The following ICAM5 variants were observed in gnomAD, a reference collection of about 807,000 sequenced individuals.
ICAM5 encodes ICAM-5.
A neutral mutation model predicts 78.8 loss-of-function variants in ICAM5; 38 were observed. The ratio of observed to expected loss-of-function variants is 0.48; its 90% CI spans 0.37 to 0.63. The LOEUF is 0.63. ICAM5 is among the 30% of genes least tolerant of loss of function. The pLI is 0.00. For synonymous variants in ICAM5, 544 were observed against 590.9 expected, an observed-to-expected ratio of 0.92 and a Z score of 1.15; for missense variants, 1,059 against 1,303.0, an observed-to-expected ratio of 0.81 and a Z score of 2.88.
intron 5 of ICAM5, 63 bp from the exon 6 acceptor site, chr19:10,292,935 G>A: frequency 1.2e-6 from 2 of 1,607,458 alleles, no homozygotes; most frequent in Non-Finnish European, 8.5e-7. Context: ...CTCCCTCACC[G>A]TGTCGTGGAG....
rs1295877613 is a variant in ICAM5 at position 10,294,188 on chromosome 19, G to A, written c.1860G>A (p.Leu620=). Reference sequence around the variant, plus strand: ...GGGGCGCCACTGAGGGGGTGCTGCTGCCGCTGGCACCCCCAGACCCTAGTC... The same window carrying A: ...GGGGCGCCACTGAGGGGGTGCTGCTACCGCTGGCACCCCCAGACCCTAGTC... The part of the protein sequence containing the change: ...GSGGATEGVL[L]PLAPPDPSPR... Residue 620 remains leucine (L), a synonymous_variant, in exon 8 of 11, where the codon CTG becomes CTA. Transcript: ENST00000221980. This position sits in a 1 kb window ranked among gnomAD's most constrained non-coding sequence, Gnocchi z 7.7. The A allele has an allele frequency of 1.2e-6, 2 of 1,613,840 alleles. No individual in the cohort carries two copies. Among genetic ancestry groups the A allele is most frequent in the African/African-American group, 1.3e-5 (1 of 74,910 alleles).
In ICAM5 at chr19:10,290,941, C is replaced by A; in HGVS notation, c.83-131C>A. On this transcript the variant is annotated intron_variant, in intron 1 of 10. Transcript: ENST00000221980. This position sits in a 1 kb window ranked among gnomAD's most constrained non-coding sequence, Gnocchi z 5.7. ...CCGGAGGCCTGGGCAGGACGCGGGA[C>A]GCCTGGGTTCTTTCCCTGGCTGCAG... is the stretch of plus-strand genomic sequence containing the variant. The A allele has an allele frequency of 8.2e-7, 1 of 1,220,996 alleles. No individual in the cohort carries two copies. Among genetic ancestry groups the A allele is most frequent in the South Asian group, 1.6e-5 (1 of 63,812 alleles). The allele number at this position is 1,220,996 out of a possible 1,614,324, so 75.6% of individuals were successfully genotyped here.
rs769104245 is a variant in ICAM5 at position 10,292,339 on chromosome 19, G to T, written c.961+17G>T. Reference sequence around the variant, plus strand: ...CCATCTACAGTAAGGAAGGAGGCGGGGTCTCCGCGGCTCCGAGGTGGGACC... The same window carrying T: ...CCATCTACAGTAAGGAAGGAGGCGGTGTCTCCGCGGCTCCGAGGTGGGACC... On this transcript the variant is annotated intron_variant, in intron 4 of 10. Transcript: ENST00000221980. The T allele has an allele frequency of 3.8e-6, 6 of 1,568,436 alleles. No individual in the cohort carries two copies. In the East Asian group the frequency reaches 1.2e-4, roughly 31 times the overall value.
At position 10,291,265 on chromosome 19, in the gene ICAM5, G is replaced by A. The variant is rs1384263996; in HGVS notation, c.276G>A (p.Glu92=). Residue 92 remains glutamate, a synonymous_variant, in exon 2 of 11, where the codon GAG becomes GAA. Coordinates refer to ENST00000221980, the MANE Select transcript of ICAM5 (RefSeq NM_003259.4). The part of the protein sequence containing the change: ...WLARQLVDIR[E]PETQPVCFFR... ...CGCGGCAGCTGGTGGACATTCGCGA[G>A]CCGGAGACTCAGCCCGTCTGCTTCT... 2 of 1,612,460 alleles carry A rather than the reference G, an allele frequency of 1.2e-6. No homozygotes were observed. Among genetic ancestry groups the A allele is most frequent in the African/African-American group, 2.7e-5 (2 of 74,954 alleles).
chr19:10,289,980 C>A lies in ICAM5; in HGVS notation c.-64C>A, dbSNP rs926013506. The stretch of plus-strand genomic sequence containing the variant: ...CCCCACCCGCCGCGCCGCGCGGAGC[C>A]GTCCTCTAGCCCAGCTCCTCGGCTC... On this transcript the variant is annotated 5_prime_UTR_variant, in exon 1 of 11. Transcript: ENST00000221980. 6.6e-6 allele frequency: 9 copies of A among 1,363,730 alleles called. No homozygotes were observed. Among genetic ancestry groups the A allele is most frequent in the South Asian group, 1.3e-5 (1 of 77,576 alleles). 84.5% of individuals were successfully genotyped at this position (1,363,730 alleles called of 1,614,324 possible).
At chr19:10,296,215 C>A (rs753982773) in intron 10 of ICAM5, 124 bp from the exon 11 acceptor site, 130 of 1,000,828 alleles carry the variant, frequency 1.3e-4, no homozygotes, top group Non-Finnish European at 1.6e-4. Context: ...TCTCCCTTCT[C>A]CCAAGGCCAG....
chr19:10,291,949 G>GAT, intron 3 of ICAM5, 86 bp from the exon 4 acceptor site: 17 of 1,506,182 alleles, frequency 1.1e-5, no homozygotes, highest in Non-Finnish European at 1.5e-5. Flanking sequence ...CCTTGAGGAT[G>GAT]ATAATACGAT....
At position 10,291,074 on chromosome 19, in the gene ICAM5, G is replaced by T; in HGVS notation, c.85G>T (p.Val29Phe). Residue 29 changes from valine (V) to phenylalanine (F), a missense_variant and splice_region_variant, in exon 2 of 11, where the codon GTC becomes TTC. Physicochemically the swap from Val to Phe is conservative, Grantham distance 50. Around this residue, in one of 3 missense-constraint regions of ICAM5, gnomAD observed 815 missense variants for 952.8 expected, o/e 0.86. Coordinates refer to ENST00000221980, the MANE Select transcript of ICAM5 (RefSeq NM_003259.4). Reference protein sequence around the residue: ...LGLGLFGLSAVSQEPFWADLQ... With the variant: ...LGLGLFGLSAFSQEPFWADLQ... The stretch of plus-strand genomic sequence containing the variant: ...TCAGCCCGCGTTTCCCTGGGCAGCG[G>T]TCTCGCAGGAGCCCTTCTGGGCGGA... 6.2e-7 allele frequency: 1 copy of T among 1,606,440 alleles called. No individual in the cohort carries two copies. The highest frequency in any genetic ancestry group is 8.5e-7 in the Non-Finnish European group (1 of 1,176,344).
At position 10,290,171 on chromosome 19, in the gene ICAM5, T is replaced by C. The variant is rs546067469; in HGVS notation, c.82+46T>C. On this transcript the variant is annotated intron_variant, in intron 1 of 10. Coordinates refer to ENST00000221980, the MANE Select transcript of ICAM5 (RefSeq NM_003259.4). This position sits in a 1 kb window ranked among gnomAD's most constrained non-coding sequence, Gnocchi z 5.7. The stretch of plus-strand genomic sequence containing the variant: ...CGGGGTGGACAGGGCGGGGGCGGAG[T>C]CCCTGGACCTGAGAAACGGCCTCCT... The C allele has an allele frequency of 7.2e-7, 1 of 1,379,702 alleles. No individual in the cohort carries two copies. The highest frequency in any genetic ancestry group is 9.6e-7 in the Non-Finnish European group (1 of 1,038,572). 85.5% of individuals were successfully genotyped at this position (1,379,702 alleles called of 1,614,324 possible).
chr19:10,296,255 A>C lies in ICAM5; in HGVS notation c.2498-84A>C, dbSNP rs1307171343. 4.2e-6 allele frequency: 5 copies of C among 1,198,276 alleles called. No individual in the cohort carries two copies. The African/African-American group carries it at 6.3e-5, about 15-fold the overall frequency. 74.2% of individuals were successfully genotyped at this position (1,198,276 alleles called of 1,614,324 possible). On this transcript the variant is annotated intron_variant, in intron 10 of 10. Coordinates refer to ENST00000221980, the MANE Select transcript of ICAM5 (RefSeq NM_003259.4). ...TGAGCTCCCCGGGGCATGAGGACTG[A>C]CTTCGTGCCTGTGGGAGTGCGGGGG...
rs751764474 is a variant in ICAM5 at position 10,294,561 on chromosome 19, A to G, written c.2151A>G (p.Arg717=). ...GGCCTGAGCAGCAGCGCGTGTCCCG[A>G]GAGGACGCGGGCACTTACCACTGTG... The part of the protein sequence containing the change: ...IPWPEQQRVS[R]EDAGTYHCVA... The change falls in exon 9 of 11, where the codon CGA becomes CGG. Residue 717 remains arginine (R), a synonymous_variant. Coordinates refer to ENST00000221980, the MANE Select transcript of ICAM5 (RefSeq NM_003259.4). This position sits in a 1 kb window ranked among gnomAD's most constrained non-coding sequence, Gnocchi z 7.7. 1.2e-6 allele frequency: 2 copies of G among 1,606,144 alleles called. No homozygotes were observed. Among genetic ancestry groups the G allele is most frequent in the Admixed American group, 3.4e-5 (2 of 58,654 alleles).
chr19:10,290,635 C>T lies in ICAM5; in HGVS notation c.83-437C>T. 1 of 233,030 alleles carries T rather than the reference C, an allele frequency of 4.3e-6. No homozygotes were observed. Among genetic ancestry groups the T allele is most frequent in the Non-Finnish European group, 8.4e-6 (1 of 119,150 alleles). 14.4% of individuals were successfully genotyped at this position (233,030 alleles called of 1,614,324 possible). A position where few individuals can be genotyped will look rare whatever the true frequency, so the allele number is the denominator to read the frequency against. On this transcript the variant is annotated intron_variant, in intron 1 of 10. Coordinates refer to ENST00000221980, the MANE Select transcript of ICAM5 (RefSeq NM_003259.4). This position sits in a 1 kb window ranked among gnomAD's most constrained non-coding sequence, Gnocchi z 5.7. The stretch of plus-strand genomic sequence containing the variant: ...ACCGGGTGTAGGGTCCTTCCTGATC[C>T]TTGACCCAGCCTCGTCTCTCCTTTG...
rs759445262 is a variant in ICAM5, at chr19:10,293,930, C to A, written c.1698C>A (p.Ala566=). Residue 566 remains alanine (A), a synonymous_variant, in exon 7 of 11, where the codon GCC becomes GCA. Transcript: ENST00000221980. The surrounding 1 kb of genome is among the most constrained non-coding windows in gnomAD (Gnocchi z 5.0). ...NPRGSAAKNV[A]VTVEYGPRFE... ...GGGGCTCTGCGGCCAAAAATGTGGC[C>A]GTCACGGTGGAATGTGAGTAGGGGC... 1.2e-6 allele frequency: 2 copies of A among 1,611,894 alleles called. No homozygotes were observed. The highest frequency in any genetic ancestry group is 1.7e-6 in the Non-Finnish European group (2 of 1,179,752).
rs1267626788 is a variant in ICAM5 at position 10,295,585 on chromosome 19, G to C, written c.2470G>C (p.Ala824Pro). 5 of 1,544,112 alleles carry C rather than the reference G, an allele frequency of 3.2e-6. No individual in the cohort carries two copies. The highest frequency in any genetic ancestry group is 2.0e-5 in the Admixed American group (1 of 50,936). ...AGCCACCAACGCGCACGGGCGCCAC[G>C]CGCGGCGCATCACGGTGCGCGTGGC... ...CAATNAHGRH[A>P]RRITVRVAGP... Residue 824 changes from alanine to proline, a missense_variant, in exon 10 of 11, where the codon GCG becomes CCG. Physicochemically the swap from Ala to Pro is conservative, Grantham distance 27. Around this residue, in one of 3 missense-constraint regions of ICAM5, gnomAD observed 135 missense variants for 230.2 expected, o/e 0.59. Coordinates refer to ENST00000221980, the MANE Select transcript of ICAM5 (RefSeq NM_003259.4).
Position 10,296,418 on chromosome 19 carries a change from C to T in ICAM5, c.2577C>T (p.Tyr859=), listed in dbSNP as rs978694407. The change falls in exon 11 of 11, where the codon TAC becomes TAT. Residue 859 remains tyrosine (Y), a synonymous_variant. Transcript: ENST00000221980. ...CCGCGGGGGCCGGCCTGGCCTTCTACGTGCAGTCCACCGCCTGCAAGAAGG... is the reference window on the plus strand; with the variant it reads ...CCGCGGGGGCCGGCCTGGCCTTCTATGTGCAGTCCACCGCCTGCAAGAAGG... The part of the protein sequence containing the change: ...LLAAGAGLAF[Y]VQSTACKKGE... 11 of 1,300,502 alleles carry T rather than the reference C, an allele frequency of 8.5e-6. No individual in the cohort carries two copies. The African/African-American group carries it at 9.3e-5, about 11-fold the overall frequency. The allele number at this position is 1,300,502 out of a possible 1,614,324, so 80.6% of individuals were successfully genotyped here. A position where few individuals can be genotyped will look rare whatever the true frequency, so the allele number is the denominator to read the frequency against.
Position 10,294,044 on chromosome 19 carries a change from C to A in ICAM5, c.1716C>A (p.Gly572=), listed in dbSNP as rs372704058. The A allele has an allele frequency of 7.0e-6, 11 of 1,580,784 alleles. No individual in the cohort carries two copies. Among genetic ancestry groups the A allele is most frequent in the Non-Finnish European group, 9.5e-6 (11 of 1,161,258 alleles). ...CCCTGCAATCCTGTTTCCCAGATGG[C>A]CCCAGGTTTGAGGAGCCGAGCTGCC... ...AKNVAVTVEY[G]PRFEEPSCPS... The change falls in exon 8 of 11, where the codon GGC becomes GGA. Residue 572 remains glycine (G), a synonymous_variant. Transcript: ENST00000221980. The surrounding 1 kb of genome is among the most constrained non-coding windows in gnomAD (Gnocchi z 7.7).
Position 10,296,730 on chromosome 19 carries a change from G to T in ICAM5, c.*114G>T. 1 of 947,084 alleles carries T rather than the reference G, an allele frequency of 1.1e-6. No individual in the cohort carries two copies. Among genetic ancestry groups the T allele is most frequent in the Non-Finnish European group, 1.3e-6 (1 of 751,154 alleles). 58.7% of individuals were successfully genotyped at this position (947,084 alleles called of 1,614,324 possible). A position where few individuals can be genotyped will look rare whatever the true frequency, so the allele number is the denominator to read the frequency against. On this transcript the variant is annotated 3_prime_UTR_variant, in exon 11 of 11. Coordinates refer to ENST00000221980, the MANE Select transcript of ICAM5 (RefSeq NM_003259.4). ...TATTTATGTATTCAACTCCAAGGGC[G>T]TCACCCCCATTTTCTACCCATCCCC... is the stretch of plus-strand genomic sequence containing the variant.
chr19:10,292,271 G>C lies in ICAM5; in HGVS notation c.910G>C (p.Val304Leu). The change falls in exon 4 of 11, where the codon GTC becomes CTC. Residue 304 changes from valine (V) to leucine (L), a missense_variant. By Grantham distance (32) the Val-to-Leu change is conservative (BLOSUM62 1). Transcript: ENST00000221980. ...QEGARQLVCN[V>L]TLGGENRETR... ...GGGTGCCAGGCAGCTGGTCTGCAAC[G>C]TCACCCTGGGGGGCGAAAACCGGGA... 6.2e-7 allele frequency: 1 copy of C among 1,612,454 alleles called. No individual in the cohort carries two copies.
Position 10,292,592 on chromosome 19 carries a change from A to T in ICAM5, c.962-20A>T. On this transcript the variant is annotated intron_variant, in intron 4 of 10. Transcript: ENST00000221980. Reference sequence around the variant, plus strand: ...GGAGGGGTATGGTCAGTATACTACGACCAAATGCTCCGCCCCCAGGCTTCC... The same window carrying T: ...GGAGGGGTATGGTCAGTATACTACGTCCAAATGCTCCGCCCCCAGGCTTCC... The T allele has an allele frequency of 6.5e-7, 1 of 1,546,158 alleles. No homozygotes were observed. The highest frequency in any genetic ancestry group is 8.7e-7 in the Non-Finnish European group (1 of 1,148,456).
Sources: gnomAD v4.1 joint callset for allele counts on GRCh38, gnomAD v4.1.1 for gene constraint, gnomAD v4.1.1 regional missense constraint, Gnocchi (gnomAD v3.1) non-coding constraint, MANE v1.5 for transcripts, NCBI Gene and HGNC (gene_info 2026-07-23, HGNC 2026-07-21) for gene names.